The following LAMTOR3 variants were observed in gnomAD, a reference collection of about 807,000 sequenced individuals.
LAMTOR3 encodes the protein ragulator complex protein LAMTOR3.
In LAMTOR3, 14 loss-of-function variants were observed where a neutral mutation model predicts 20.3. That is an observed-to-expected ratio of 0.69 (90% CI 0.46 to 1.08). The LOEUF is 1.08. Ranked by LOEUF, LAMTOR3 falls within the 50% of genes least tolerant of loss-of-function variation. The probability of loss-of-function intolerance (pLI) is 0.00; values close to 1 mark genes in which losing one functional copy is unlikely to be tolerated. For missense variants in LAMTOR3, 125 were observed against 143.7 expected (o/e 0.87, Z 0.67); for synonymous variants, 40 against 49.4 (o/e 0.81, Z 0.80).
intron 3 of LAMTOR3, among the ~76,000 whole-genome samples, chr4:99,890,385 G>C (rs1034660635): frequency 1.3e-5 from 2 of 152,162 alleles, no homozygotes; most frequent in Non-Finnish European, 2.9e-5. Flanking sequence ...ATTAGTATCC[G>C]TAGCTGGCTG....
In LAMTOR3 at chr4:99,878,396, T is replaced by C. The variant is rs937677619; in HGVS notation, c.*3598A>G. On this transcript the variant is annotated 3_prime_UTR_variant, in exon 7 of 7. Transcript: ENST00000499666. ...TCCCCAAATATCCCATTTTATTGTT[T>C]GTTGAAATATTTTATTTCTAATTTT... 3 of 152,240 alleles carry C rather than the reference T, an allele frequency of 2.0e-5. No individual in the cohort carries two copies. Among genetic ancestry groups the C allele is most frequent in the Non-Finnish European group, 2.9e-5 (2 of 68,048 alleles). The allele number at this position is 152,240 out of a possible 1,614,324, so 9.4% of individuals were successfully genotyped here. A position where few individuals can be genotyped will look rare whatever the true frequency, so the allele number is the denominator to read the frequency against.
At position 99,878,788 on chromosome 4, in the gene LAMTOR3, T is replaced by C. The variant is rs117539192; in HGVS notation, c.*3206A>G. On this transcript the variant is annotated 3_prime_UTR_variant, in exon 7 of 7. Transcript: ENST00000499666. Reference sequence around the variant, plus strand: ...GTAATTTATTATCTAAAGTGAGACATTGAGAATGAAAGCACTATTAATAAT... The same window carrying C: ...GTAATTTATTATCTAAAGTGAGACACTGAGAATGAAAGCACTATTAATAAT... 1.9e-4 allele frequency: 29 copies of C among 152,312 alleles called. No homozygotes were observed. In the East Asian group the frequency reaches 4.8e-3, roughly 25 times the overall value. The allele number at this position is 152,312 out of a possible 1,614,324, so 9.4% of individuals were successfully genotyped here.
At chr4:99,886,581 C>T (rs907955344) in intron 4 of LAMTOR3, among the ~76,000 whole-genome samples, 1 of 152,194 alleles carries the variant, frequency 6.6e-6, no homozygotes, top group Non-Finnish European at 1.5e-5. Flanking sequence ...TGTCTTTGCA[C>T]TTTATCACCT....
chr4:99,885,808 A>G (rs1174592248), intron 4 of LAMTOR3, 133 bp from the exon 5 acceptor site: 2 of 722,370 alleles, frequency 2.8e-6, no homozygotes, highest in African/African-American at 3.7e-5. Flanking sequence ...AAATCATATC[A>G]CTAATGGGGT....
At chr4:99,892,109 T>C in intron 2 of LAMTOR3, 75 bp from the exon 3 acceptor site, 1 of 1,471,162 alleles carries the variant, frequency 6.8e-7, no homozygotes, top group Non-Finnish European at 9.0e-7. Context: ...CCTATCCAAA[T>C]TTTAAGGAAC....
chr4:99,887,146 C>T, intron 4 of LAMTOR3, 150 bp downstream of exon 4: 1 of 453,882 alleles, frequency 2.2e-6, no homozygotes, highest in Non-Finnish European at 4.0e-6. Context: ...CTTCAACATA[C>T]AAAAGCAAAC....
chr4:99,884,871 G>A (rs1315035095), intron 5 of LAMTOR3, among the ~76,000 whole-genome samples: 1 of 151,812 alleles, frequency 6.6e-6, no homozygotes, highest in Non-Finnish European at 1.5e-5. Context: ...AGGCTGAGGC[G>A]TGAGAATCAC....
intron 5 of LAMTOR3, among the ~76,000 whole-genome samples, chr4:99,884,518 T>G (rs1382210877): frequency 6.6e-6 from 1 of 152,184 alleles, no homozygotes; most frequent in East Asian, 1.9e-4. Flanking sequence ...TCTTGTGTAT[T>G]ACTGTAATTT....
chr4:99,893,425 A>G (rs1725061572), intron 2 of LAMTOR3, among the ~76,000 whole-genome samples: 1 of 152,128 alleles, frequency 6.6e-6, no homozygotes, highest in Non-Finnish European at 1.5e-5. Flanking sequence ...TGTTTTGAGC[A>G]TCCAGCACTT....
rs11723286 is a variant in LAMTOR3, at chr4:99,880,116, A to G, written c.*1878T>C. The stretch of plus-strand genomic sequence containing the variant: ...ATCTCTTGCCTCTATTTTATTTACA[A>G]AGGCTATTTTCTTGCCCATTTTAAG... On this transcript the variant is annotated 3_prime_UTR_variant, in exon 7 of 7. Transcript: ENST00000499666. The G allele has an allele frequency of 0.3, 46,065 of 151,974 alleles. 7,739 individuals are homozygous for G. Among genetic ancestry groups the G allele is most frequent in the African/African-American group, 0.45 (18,784 of 41,344 alleles). The allele number at this position is 151,974 out of a possible 1,614,324, so 9.4% of individuals were successfully genotyped here. A position where few individuals can be genotyped will look rare whatever the true frequency, so the allele number is the denominator to read the frequency against.
chr4:99,885,745 T>C (rs947906355), intron 4 of LAMTOR3, 70 bp from the exon 5 acceptor site: 17 of 1,286,014 alleles, frequency 1.3e-5, no homozygotes, highest in African/African-American at 3.1e-5. Context: ...GCCCTTTTTT[T>C]TCATAAACCT....
At chr4:99,890,419 G>A (rs1725001621) in intron 3 of LAMTOR3, among the ~76,000 whole-genome samples, 1 of 152,178 alleles carries the variant, frequency 6.6e-6, no homozygotes, top group South Asian at 2.1e-4. Context: ...GAGGCACTGA[G>A]GTACAACAGT....
At position 99,878,627 on chromosome 4, in the gene LAMTOR3, T is replaced by C. The variant is rs997316444; in HGVS notation, c.*3367A>G. ...CACATTTTTTCTTCTTATACATCAA[T>C]TGTAGCATGCCATACAGTTTGACAC... On this transcript the variant is annotated 3_prime_UTR_variant, in exon 7 of 7. Coordinates refer to ENST00000499666, the MANE Select transcript of LAMTOR3 (RefSeq NM_021970.4). 1 of 152,210 alleles carries C rather than the reference T, an allele frequency of 6.6e-6. No homozygotes were observed. The highest frequency in any genetic ancestry group is 1.5e-5 in the Non-Finnish European group (1 of 68,040). The allele number at this position is 152,210 out of a possible 1,614,324, so 9.4% of individuals were successfully genotyped here. A position where few individuals can be genotyped will look rare whatever the true frequency, so the allele number is the denominator to read the frequency against.
At chr4:99,893,313 G>A (rs1725059215) in intron 2 of LAMTOR3, among the ~76,000 whole-genome samples, 1 of 152,164 alleles carries the variant, frequency 6.6e-6, no homozygotes, top group East Asian at 1.9e-4. Context: ...GCATTGGCCA[G>A]AAGACTATCT....
At chr4:99,889,307 G>A (rs1724982383) in intron 3 of LAMTOR3, among the ~76,000 whole-genome samples, 1 of 152,082 alleles carries the variant, frequency 6.6e-6, no homozygotes, top group Non-Finnish European at 1.5e-5. Flanking sequence ...CAATTATTTT[G>A]TGCAGTTACC....
intron 5 of LAMTOR3, among the ~76,000 whole-genome samples, chr4:99,884,425 T>C (rs1273836764): frequency 6.6e-6 from 1 of 152,182 alleles, no homozygotes; most frequent in Non-Finnish European, 1.5e-5. Flanking sequence ...TTGTAAGGAC[T>C]TAATAAATAG....
chr4:99,889,132 G>T (rs1724979617), intron 3 of LAMTOR3, among the ~76,000 whole-genome samples: 1 of 152,136 alleles, frequency 6.6e-6, no homozygotes, highest in Non-Finnish European at 1.5e-5. Flanking sequence ...TTGAACCTGG[G>T]TTGCAGTGAG....
intron 3 of LAMTOR3, among the ~76,000 whole-genome samples, chr4:99,889,112 T>G (rs913029066): frequency 6.6e-6 from 1 of 152,012 alleles, no homozygotes; most frequent in Non-Finnish European, 1.5e-5. Flanking sequence ...GACTGAGGCA[T>G]AAGAATCGAT....
At chr4:99,882,428 A>G (rs1724844364) in intron 6 of LAMTOR3, among the ~76,000 whole-genome samples, 2 of 152,158 alleles carry the variant, frequency 1.3e-5, no homozygotes, top group South Asian at 4.1e-4. Context: ...TTCAACCTGT[A>G]CTATAACCCT....
Sources: allele counts gnomAD v4.1 joint callset (sites outside exome capture counted in the v4.1 genomes callset), GRCh38; gene constraint gnomAD v4.1.1; transcripts MANE v1.5; gene names NCBI Gene and HGNC (gene_info 2026-07-23, HGNC 2026-07-21).